The following BAZ2B variants were observed in gnomAD, a reference collection of about 807,000 sequenced individuals.
BAZ2B encodes bromodomain adjacent to zinc finger domain 2B.
BAZ2B carries 91 observed loss-of-function variants against 246.0 expected under a neutral mutation model. That is an observed-to-expected ratio of 0.37 (90% CI 0.31 to 0.44). The LOEUF (loss-of-function observed/expected upper bound fraction) is 0.44, where lower values mean the gene tolerates loss of function less well. Among genes scored for constraint, BAZ2B ranks in the 20% least tolerant of loss-of-function variants. The pLI is 1.00. For synonymous variants in BAZ2B, 855 were observed against 860.0 expected, an observed-to-expected ratio of 0.99 and a Z score of 0.10; for missense variants, 2,332 against 2,533.7, an observed-to-expected ratio of 0.92 and a Z score of 1.71.
At chr2:159,640,361 T>TG in the BAZ2B span, among the ~76,000 whole-genome samples, 7 of 152,144 alleles carry the variant, frequency 4.6e-5, no homozygotes, top group Non-Finnish European at 8.8e-5. Context: ...CTCATAGCTA[T>TG]TTACAGAACA....
chr2:159,587,235 C>T (rs948291521), intron 1 of BAZ2B, among the ~76,000 whole-genome samples: 5 of 152,038 alleles, frequency 3.3e-5, no homozygotes, highest in Admixed American at 6.6e-5. Context: ...CCTGCCACCA[C>T]GCCTGGCTAA....
the BAZ2B span, chr2:159,690,274 T>A: frequency 3.0e-6 from 1 of 334,266 alleles, no homozygotes. Flanking sequence ...TCGTCTTGGC[T>A]CCCTTCTGCC....
intron 1 of BAZ2B, among the ~76,000 whole-genome samples, chr2:159,611,705 T>C (rs1177453431): frequency 6.6e-6 from 1 of 151,996 alleles, no homozygotes; most frequent in African/African-American, 2.4e-5. Flanking sequence ...TGAAGAATTA[T>C]TTAAATGCCT....
intron 2 of BAZ2B, among the ~76,000 whole-genome samples, chr2:159,498,899 G>C (rs754802866): frequency 1.3e-5 from 2 of 151,990 alleles, no homozygotes; most frequent in Non-Finnish European, 2.9e-5. Context: ...TTATTAAGCT[G>C]TTTTTCTACC....
At chr2:159,332,814 T>C in intron 33 of BAZ2B, 128 bp from the exon 34 acceptor site, 2 of 1,060,712 alleles carry the variant, frequency 1.9e-6, no homozygotes, top group South Asian at 3.2e-5. Flanking sequence ...AAATATACAG[T>C]AGCCATACAC....
chr2:159,337,329 A>G, intron 32 of BAZ2B: 1 of 1,196,030 alleles, frequency 8.4e-7, no homozygotes, highest in Non-Finnish European at 1.1e-6. Context: ...AGTTTTTACA[A>G]AGCACCATGC....
At chr2:159,669,337 G>A in the BAZ2B span, among the ~76,000 whole-genome samples, 37,527 of 151,996 alleles carry the variant, frequency 0.25, 5,978 homozygotes, top group Admixed American at 0.43. Context: ...TAAGTTTGTT[G>A]TTTTGTTTTA....
chr2:159,658,665 G>A, the BAZ2B span, among the ~76,000 whole-genome samples: 2 of 152,052 alleles, frequency 1.3e-5, no homozygotes, highest in African/African-American at 2.4e-5. Flanking sequence ...CTACAGGCAC[G>A]CACCACTGAA....
chr2:159,363,010 T>C (rs1249717665), intron 27 of BAZ2B, among the ~76,000 whole-genome samples: 1 of 152,132 alleles, frequency 6.6e-6, no homozygotes, highest in African/African-American at 2.4e-5. Context: ...AGATCCAGCA[T>C]TATACAGAGC....
At chr2:159,556,460 G>T (rs2089142768) in intron 1 of BAZ2B, among the ~76,000 whole-genome samples, 1 of 152,012 alleles carries the variant, frequency 6.6e-6, no homozygotes, top group Admixed American at 6.6e-5. Context: ...CTTAATTTTT[G>T]GAATTTTTTG....
chr2:159,328,371 T>C (rs905214002), intron 34 of BAZ2B, among the ~76,000 whole-genome samples: 1 of 152,226 alleles, frequency 6.6e-6, no homozygotes, highest in Admixed American at 6.5e-5. Context: ...CATATCTTTC[T>C]AGTTTATATA....
chr2:159,427,724 T>C (rs2070239816), intron 13 of BAZ2B, among the ~76,000 whole-genome samples: 1 of 152,098 alleles, frequency 6.6e-6, no homozygotes. Flanking sequence ...CAGAAAAAAT[T>C]TACTTAAATA....
chr2:159,580,808 C>A (rs74518851), intron 1 of BAZ2B, among the ~76,000 whole-genome samples: 139,853 of 151,556 alleles, frequency 0.92, 65,027 homozygotes, highest in East Asian at 1. Context: ...GAAAAACAAG[C>A]AATGGGGAAA....
intron 2 of BAZ2B, among the ~76,000 whole-genome samples, chr2:159,480,235 G>A (rs113376952): frequency 6.6e-6 from 1 of 151,866 alleles, no homozygotes; most frequent in Non-Finnish European, 1.5e-5. Context: ...TATCTGCTAC[G>A]TAAATATACT....
the BAZ2B span, among the ~76,000 whole-genome samples, chr2:159,641,940 A>G: frequency 1.6e-3 from 250 of 152,276 alleles, 1 homozygote; most frequent in African/African-American, 5.8e-3. Flanking sequence ...ATTCCCTCTA[A>G]TATAGACATA....
the BAZ2B span, chr2:159,690,183 T>C: frequency 2.1e-6 from 1 of 480,222 alleles, no homozygotes; most frequent in Admixed American, 2.4e-5. Context: ...GTGACTAGCG[T>C]CTTTCCAACA....
At chr2:159,332,092 T>C (rs894489458) in intron 34 of BAZ2B, among the ~76,000 whole-genome samples, 4 of 152,082 alleles carry the variant, frequency 2.6e-5, no homozygotes, top group Non-Finnish European at 4.4e-5. Context: ...AATAATTAGG[T>C]TAAGAGATTA....
At chr2:159,559,397 T>C (rs183349337) in intron 1 of BAZ2B, among the ~76,000 whole-genome samples, 1 of 152,298 alleles carries the variant, frequency 6.6e-6, no homozygotes, top group Admixed American at 6.5e-5. Flanking sequence ...ACAAGAAGTC[T>C]TGTGAAGGAA....
At chr2:159,447,011 A>G (rs1159136412) in intron 5 of BAZ2B, 36 bp from the exon 6 acceptor site, 2 of 1,389,728 alleles carry the variant, frequency 1.4e-6, no homozygotes, top group East Asian at 4.8e-5. Flanking sequence ...ATACAATGGA[A>G]TATTATTGCA....
Sources: allele counts gnomAD v4.1 joint callset (sites outside exome capture counted in the v4.1 genomes callset), GRCh38; gene constraint gnomAD v4.1.1; transcripts MANE v1.5; gene names NCBI Gene and HGNC (gene_info 2026-07-23, HGNC 2026-07-21).